Variants in FASTKD2 observed in about 807,000 individuals in gnomAD.
FASTKD2 encodes FAST kinase domains 2, also known as FAST kinase domain-containing protein 2, mitochondrial.
FASTKD2 carries 51 observed loss-of-function variants against 63.6 expected under a neutral mutation model. The ratio of observed to expected loss-of-function variants is 0.80; its 90% confidence interval spans 0.64 to 1.01. The LOEUF is 1.01. Among genes scored for constraint, FASTKD2 ranks in the 50% least tolerant of loss-of-function variants. FASTKD2 has a pLI of 0.00. For synonymous variants in FASTKD2, 284 were observed against 293.4 expected (o/e 0.97, Z 0.33); for missense variants, 786 against 831.1 (o/e 0.95, Z 0.67).
At chr2:206,776,136 A>G (rs1223823531) in intron 7 of FASTKD2, among the ~76,000 whole-genome samples, 1 of 151,252 alleles carries the variant, frequency 6.6e-6, no homozygotes, top group East Asian at 1.9e-4. Context: ...ACAAATATAT[A>G]TATAATATAT....
chr2:206,768,464 G>A (rs1689583504), intron 2 of FASTKD2, among the ~76,000 whole-genome samples: 1 of 152,198 alleles, frequency 6.6e-6, no homozygotes, highest in South Asian at 2.1e-4. Context: ...ACTTTGGGAG[G>A]CCAAGGCAGG....
At position 206,795,707 on chromosome 2, in the gene FASTKD2, G is replaced by C. The variant is rs1010395601; in HGVS notation, c.*3905G>C. 6.6e-6 allele frequency among the ~76,000 whole-genome samples: 1 copy of C among 152,170 alleles called. No homozygotes were observed. Among genetic ancestry groups the C allele is most frequent in the Non-Finnish European group, 1.5e-5 (1 of 68,026 alleles). On this transcript the variant is annotated 3_prime_UTR_variant, in exon 12 of 12. Coordinates refer to ENST00000402774, the MANE Select transcript of FASTKD2 (RefSeq NM_001136193.2). The stretch of plus-strand genomic sequence containing the variant: ...GATGTACCTACTTGAAACTGGGAAG[G>C]CCAAATGAGATAGAGGTAATGTTTC...
chr2:206,788,789 GA>G, intron 9 of FASTKD2, 29 bp from the exon 10 acceptor site: 1 of 1,059,516 alleles, frequency 9.4e-7, no homozygotes, highest in South Asian at 1.3e-5. Flanking sequence ...AGGAATGTTT[GA>G]AAAATTAATA....
At chr2:206,786,703 T>C (rs770954227) in intron 7 of FASTKD2, 30 bp from the exon 8 acceptor site, 8 of 1,607,366 alleles carry the variant, frequency 5.0e-6, no homozygotes, top group Non-Finnish European at 6.0e-6. Flanking sequence ...TCTGTATATG[T>C]TGGGAAACTG....
Position 206,766,660 on chromosome 2 carries a change from G to A in FASTKD2, c.-34G>A, listed in dbSNP as rs1003116172. The stretch of plus-strand genomic sequence containing the variant: ...CCCCTACAGGAAAACGACAGCACGT[G>A]TTCTTTTTCACTAGTAGAAGTGACG... On this transcript the variant is annotated 5_prime_UTR_variant, in exon 2 of 12. Transcript: ENST00000402774. The A allele has an allele frequency of 2.5e-6, 4 of 1,589,770 alleles. No homozygotes were observed. Among genetic ancestry groups the A allele is most frequent in the Admixed American group, 1.7e-5 (1 of 59,990 alleles).
intron 7 of FASTKD2, among the ~76,000 whole-genome samples, chr2:206,780,555 A>G (rs895600979): frequency 1.3e-5 from 2 of 152,022 alleles, no homozygotes; most frequent in Admixed American, 6.6e-5. Context: ...TTGTTTTTGA[A>G]TTTTGACAGT....
chr2:206,774,517 A>G, intron 7 of FASTKD2, 120 bp downstream of exon 7: 3 of 697,544 alleles, frequency 4.3e-6, no homozygotes, highest in Non-Finnish European at 7.3e-6. Flanking sequence ...CCATGCCAAT[A>G]AATAAAACAT....
intron 7 of FASTKD2, among the ~76,000 whole-genome samples, chr2:206,777,073 C>T (rs1157522534): frequency 6.6e-6 from 1 of 151,882 alleles, no homozygotes; most frequent in African/African-American, 2.4e-5. Flanking sequence ...GATTGTTTTC[C>T]CAATTTCCTT....
chr2:206,775,846 G>A (rs1689810687), intron 7 of FASTKD2, among the ~76,000 whole-genome samples: 1 of 151,834 alleles, frequency 6.6e-6, no homozygotes, highest in South Asian at 2.1e-4. Context: ...TATCAACATT[G>A]TGCAAGGGTT....
intron 2 of FASTKD2, 145 bp from the exon 3 acceptor site, chr2:206,769,946 G>T (rs2105972593): frequency 1.5e-6 from 1 of 680,112 alleles, no homozygotes; most frequent in South Asian, 1.5e-5. Flanking sequence ...TCCCAAAGAT[G>T]CTGTTTATTG....
intron 10 of FASTKD2, 56 bp downstream of exon 10, chr2:206,788,959 A>T (rs757433602): frequency 8.8e-6 from 8 of 909,790 alleles, no homozygotes; most frequent in Non-Finnish European, 3.7e-6. Context: ...CTAATTCTAA[A>T]AGACTTCATA....
rs568225901 is a variant in FASTKD2 at position 206,794,133 on chromosome 2, C to T, written c.*2331C>T. Among the ~76,000 whole-genome samples, 210 of 152,238 alleles carry T rather than the reference C, an allele frequency of 1.4e-3. No individual in the cohort carries two copies. Among genetic ancestry groups the T allele is most frequent in the Non-Finnish European group, 2.6e-3 (176 of 68,016 alleles). On this transcript the variant is annotated 3_prime_UTR_variant, in exon 12 of 12. Coordinates refer to ENST00000402774, the MANE Select transcript of FASTKD2 (RefSeq NM_001136193.2). Reference sequence around the variant, plus strand: ...CAGTTTTGACGTACATACACACACACACACATCTGTGAAACCACAATCAAG... The same window carrying T: ...CAGTTTTGACGTACATACACACACATACACATCTGTGAAACCACAATCAAG...
rs779256739 is a variant in FASTKD2 at position 206,791,698 on chromosome 2, A to T, written c.2029A>T (p.Met677Leu). The change falls in exon 12 of 12, where the codon ATG becomes TTG. Residue 677 changes from methionine (M) to leucine (L), a missense_variant. Met to Leu is a conservative substitution (Grantham distance 15). Transcript: ENST00000402774. ...FHVILVNNWEMDKLEMEDAVT... is the reference protein window; with the variant it reads ...FHVILVNNWELDKLEMEDAVT... The stretch of plus-strand genomic sequence containing the variant: ...CTTTGGTAAGGTCAATAACTGGGAG[A>T]TGGACAAACTAGAGATGGAAGATGC... 1 of 1,612,754 alleles carries T rather than the reference A, an allele frequency of 6.2e-7. No homozygotes were observed. The highest frequency in any genetic ancestry group is 1.1e-5 in the South Asian group (1 of 91,066).
At chr2:206,775,615 C>G (rs567995816) in intron 7 of FASTKD2, among the ~76,000 whole-genome samples, 7 of 151,652 alleles carry the variant, frequency 4.6e-5, no homozygotes, top group African/African-American at 1.7e-4. Flanking sequence ...ATTTTGGTAT[C>G]AGGGTAATAC....
At chr2:206,777,713 A>G (rs1483359611) in intron 7 of FASTKD2, among the ~76,000 whole-genome samples, 5 of 152,202 alleles carry the variant, frequency 3.3e-5, no homozygotes, top group Non-Finnish European at 5.9e-5. Flanking sequence ...GTTTAAGCAC[A>G]TTAGAAGTAT....
rs1689766249 is a variant in FASTKD2 at position 206,774,371 on chromosome 2, T to C, written c.1401T>C (p.Asn467=). The C allele has an allele frequency of 6.2e-7, 1 of 1,602,774 alleles. No homozygotes were observed. Among genetic ancestry groups the C allele is most frequent in the Non-Finnish European group, 8.5e-7 (1 of 1,171,490 alleles). ...TTCTTCATACTTACTCTTCTCTCAA[T>C]CATGTCTACAAATGCCAGAACAAAG... ...LSILHTYSSL[N]HVYKCQNKEQ... Residue 467 remains asparagine (N), a synonymous_variant, in exon 7 of 12, where the codon AAT becomes AAC. Transcript: ENST00000402774.
At chr2:206,784,778 A>G (rs1012682541) in intron 7 of FASTKD2, among the ~76,000 whole-genome samples, 1 of 152,200 alleles carries the variant, frequency 6.6e-6, no homozygotes, top group Non-Finnish European at 1.5e-5. Flanking sequence ...TGTCTTCCTC[A>G]TCAAAGTTTA....
chr2:206,796,133 A>G lies in FASTKD2; in HGVS notation c.*4331A>G, dbSNP rs1420787171. On this transcript the variant is annotated 3_prime_UTR_variant, in exon 12 of 12. Coordinates refer to ENST00000402774, the MANE Select transcript of FASTKD2 (RefSeq NM_001136193.2). ...AATCCTGATTGATAAAGATACTACAATATATGCACATATATATGTTATAGA... is the reference window on the plus strand; with the variant it reads ...AATCCTGATTGATAAAGATACTACAGTATATGCACATATATATGTTATAGA... Among the ~76,000 whole-genome samples the G allele has an allele frequency of 6.6e-6, 1 of 152,194 alleles. No homozygotes were observed. The highest frequency in any genetic ancestry group is 1.5e-5 in the Non-Finnish European group (1 of 68,044).
chr2:206,772,674 G>A (rs764136749), intron 6 of FASTKD2, among the ~76,000 whole-genome samples: 4 of 152,160 alleles, frequency 2.6e-5, no homozygotes, highest in African/African-American at 4.8e-5. Flanking sequence ...GCAGCAAGTC[G>A]CAGCTCCCAA....
Sources: allele counts gnomAD v4.1 joint callset (sites outside exome capture counted in the v4.1 genomes callset), GRCh38; gene constraint gnomAD v4.1.1; transcripts MANE v1.5; gene names NCBI Gene and HGNC (gene_info 2026-07-23, HGNC 2026-07-21).